The following HMCN1 variants were observed in gnomAD, a reference collection of about 807,000 sequenced individuals.
HMCN1 encodes the protein hemicentin-1.
A neutral mutation model predicts 625.9 loss-of-function variants in HMCN1; 321 were observed. The ratio of observed to expected loss-of-function variants is 0.51; its 90% CI spans 0.47 to 0.56. The LOEUF (loss-of-function observed/expected upper bound fraction) is 0.56. Among genes scored for constraint, HMCN1 ranks in the 20% least tolerant of loss-of-function variants. HMCN1 has a pLI of 0.00. For synonymous variants in HMCN1, 2,425 were observed against 2,417.6 expected (o/e 1.00, Z -0.09); for missense variants, 6,588 against 6,887.3 (o/e 0.96, Z 1.54).
intron 1 of HMCN1, among the ~76,000 whole-genome samples, chr1:185,811,178 GA>G (rs1412571075): frequency 6.6e-6 from 1 of 152,000 alleles, no homozygotes; most frequent in Non-Finnish European, 1.5e-5. Flanking sequence ...AACGCTTGAA[GA>G]AAAAAAGTCA....
intron 9 of HMCN1, among the ~76,000 whole-genome samples, chr1:185,926,702 G>A: frequency 6.6e-6 from 1 of 152,130 alleles, no homozygotes; most frequent in East Asian, 1.9e-4. Flanking sequence ...AGTGATGATA[G>A]ACTGATACCC....
chr1:186,119,971 T>A, intron 79 of HMCN1, 40 bp from the exon 80 acceptor site: 1 of 1,169,394 alleles, frequency 8.6e-7, no homozygotes, highest in Non-Finnish European at 1.2e-6. Flanking sequence ...ATGAACAGGC[T>A]TTTTTTTTTC....
At chr1:186,029,536 A>G (rs1655279393) in intron 36 of HMCN1, among the ~76,000 whole-genome samples, 1 of 94,316 alleles carries the variant, frequency 1.1e-5, no homozygotes. Flanking sequence ...ATCTTCTCCT[A>G]AAGTTTTTTT....
intron 89 of HMCN1, among the ~76,000 whole-genome samples, chr1:186,139,828 T>A (rs1174018080): frequency 6.6e-6 from 1 of 152,126 alleles, no homozygotes; most frequent in East Asian, 1.9e-4. Context: ...CTACAAGTTT[T>A]CCTCCTCACC....
chr1:185,964,884 A>G (rs60150013), intron 13 of HMCN1, among the ~76,000 whole-genome samples: 4,471 of 152,102 alleles, frequency 0.029, 216 homozygotes, highest in African/African-American at 0.1. Context: ...AGTCTGTTGT[A>G]TTTTGGGCTA....
In HMCN1 at chr1:186,095,405, C is replaced by G; in HGVS notation, c.10457C>G (p.Thr3486Ser). 6.2e-7 allele frequency: 1 copy of G among 1,613,716 alleles called. No homozygotes were observed. The highest frequency in any genetic ancestry group is 8.5e-7 in the Non-Finnish European group (1 of 1,179,850). The change falls in exon 68 of 107, where the codon ACC (threonine) becomes AGC (serine). Residue 3486 changes from threonine to serine, a missense_variant. Physicochemically the swap from Thr to Ser is moderately conservative, Grantham distance 58 (BLOSUM62 1). Transcript: ENST00000271588. ...LGLDAHLTVS[T>S]HGMVLQLLKA... ...CTTGATGCCCATCTGACAGTCAGCA[C>G]CCATGGAATGGTCCTGCAGCTCCTC...
At chr1:186,033,055 T>C (rs1465550326) in intron 36 of HMCN1, among the ~76,000 whole-genome samples, 1 of 142,818 alleles carries the variant, frequency 7.0e-6, no homozygotes, top group Admixed American at 6.9e-5. Context: ...AAATGTGATA[T>C]ACACACACGC....
chr1:186,170,630 G>A (rs544746433), intron 100 of HMCN1, among the ~76,000 whole-genome samples: 24 of 152,224 alleles, frequency 1.6e-4, no homozygotes, highest in Non-Finnish European at 3.1e-4. Flanking sequence ...TCCTCATCTT[G>A]GTGAGGAAGG....
Position 186,094,327 on chromosome 1 carries a change from C to T in HMCN1, c.10248C>T (p.Ser3416=). The T allele has an allele frequency of 6.2e-7, 1 of 1,613,286 alleles. No individual in the cohort carries two copies. The highest frequency in any genetic ancestry group is 8.5e-7 in the Non-Finnish European group (1 of 1,179,562). The change falls in exon 67 of 107, where the codon TCC becomes TCT. Residue 3416 remains serine, a synonymous_variant. Coordinates refer to ENST00000271588, the MANE Select transcript of HMCN1 (RefSeq NM_031935.3). ...SDVAVYTCVA[S]NRAGVDNKHY... is the part of the protein sequence containing the mutation. ...TCGCTGTGTATACTTGTGTGGCCTCCAACAGAGCTGGGGTGGATAATAAGC... is the reference window on the plus strand; with the variant it reads ...TCGCTGTGTATACTTGTGTGGCCTCTAACAGAGCTGGGGTGGATAATAAGC...
chr1:186,086,497 T>C (rs1372389593), intron 58 of HMCN1, 90 bp downstream of exon 58: 1 of 1,321,452 alleles, frequency 7.6e-7, no homozygotes, highest in East Asian at 2.5e-5. Context: ...TTCCAAACTT[T>C]TGTCGTGCTT....
rs972931492 is a variant in HMCN1 at position 185,861,440 on chromosome 1, A to G, written c.340-3030A>G. On this transcript the variant is annotated intron_variant, in intron 2 of 106. Transcript: ENST00000271588. ...TTCAACAAATGCTTGTAGAATGGAT[A>G]AATTATATTGTGGTTCACACTCAGG... Among the ~76,000 whole-genome samples the G allele has an allele frequency of 5.9e-5, 9 of 152,306 alleles. No individual in the cohort carries two copies. In the South Asian group the frequency reaches 1.0e-3, roughly 18 times the overall value.
chr1:185,790,481 A>G (rs1557971236), intron 1 of HMCN1, among the ~76,000 whole-genome samples: 1 of 152,186 alleles, frequency 6.6e-6, no homozygotes, highest in Non-Finnish European at 1.5e-5. Context: ...TTGAGGTCAG[A>G]CAGATGCAGT....
chr1:186,116,719 A>G (rs1445839704), intron 75 of HMCN1, among the ~76,000 whole-genome samples: 1 of 152,152 alleles, frequency 6.6e-6, no homozygotes, highest in East Asian at 1.9e-4. Flanking sequence ...TGATCATAAT[A>G]TAAGCATTTA....
chr1:185,934,136 T>C (rs1667698719), intron 11 of HMCN1, among the ~76,000 whole-genome samples: 1 of 152,224 alleles, frequency 6.6e-6, no homozygotes, highest in South Asian at 2.1e-4. Flanking sequence ...GTGGATTTTT[T>C]TAAAAAATAC....
chr1:185,953,217 A>T (rs763664699), intron 11 of HMCN1, among the ~76,000 whole-genome samples: 22 of 151,230 alleles, frequency 1.5e-4, no homozygotes, highest in Non-Finnish European at 2.9e-4. Flanking sequence ...AGGGGTTGGG[A>T]TACTTGCCAT....
rs1423515740 is a variant in HMCN1, at chr1:186,144,445, A to G, written c.14096-88A>G. 4 of 1,607,266 alleles carry G rather than the reference A, an allele frequency of 2.5e-6. No homozygotes were observed. In the South Asian group the frequency reaches 3.3e-5, roughly 13 times the overall value. On this transcript the variant is annotated intron_variant, in intron 90 of 106. Transcript: ENST00000271588. ...CTATCCCATTCTAACTGTGCCCACA[A>G]GAACATCTCTCAAACTAACAATGCC...
At chr1:185,824,198 A>G (rs1371578817) in intron 1 of HMCN1, among the ~76,000 whole-genome samples, 2 of 152,198 alleles carry the variant, frequency 1.3e-5, no homozygotes, top group East Asian at 1.9e-4. Context: ...ATCTGAGGCT[A>G]AAAGAGTTGC....
At chr1:185,930,478 G>A (rs1014377488) in intron 10 of HMCN1, among the ~76,000 whole-genome samples, 10 of 152,178 alleles carry the variant, frequency 6.6e-5, no homozygotes, top group East Asian at 5.8e-4. Flanking sequence ...AGGATAATTC[G>A]ATCTTATATT....
intron 1 of HMCN1, among the ~76,000 whole-genome samples, chr1:185,812,484 C>T (rs950448357): frequency 3.3e-5 from 5 of 152,080 alleles, no homozygotes; most frequent in African/African-American, 1.2e-4. Flanking sequence ...TTAGCTTTTT[C>T]ACATTCTCTG....
Sources: allele counts gnomAD v4.1 joint callset (sites outside exome capture counted in the v4.1 genomes callset), GRCh38; gene constraint gnomAD v4.1.1; transcripts MANE v1.5; gene names NCBI Gene and HGNC (gene_info 2026-07-23, HGNC 2026-07-21).